The following PIK3C2G variants were observed in gnomAD, a reference collection of about 807,000 sequenced individuals.
The protein encoded by PIK3C2G is phosphatidylinositol 3-kinase C2 domain-containing subunit gamma.
Under a neutral mutation model 181.1 loss-of-function variants are expected in PIK3C2G, and 168 were observed. The ratio of observed to expected loss-of-function variants is 0.93; its 90% confidence interval spans 0.82 to 1.05. The LOEUF is 1.05. Among genes scored for constraint, PIK3C2G ranks in the 50% least tolerant of loss-of-function variants. The pLI, the probability that PIK3C2G is intolerant of heterozygous loss-of-function variation, is 0.00. For missense variants in PIK3C2G, 1,869 were observed against 1,732.8 expected (o/e 1.08, Z -1.40); for synonymous variants, 573 against 592.2 (o/e 0.97, Z 0.47).
intron 18 of PIK3C2G, among the ~76,000 whole-genome samples, chr12:18,453,667 G>T (rs1035424848): frequency 6.6e-6 from 1 of 151,988 alleles, no homozygotes; most frequent in African/African-American, 2.4e-5. Context: ...TCTTTCACAG[G>T]TGTTCTGAAT....
intron 7 of PIK3C2G, among the ~76,000 whole-genome samples, chr12:18,321,598 AC>A (rs1951110251): frequency 6.6e-6 from 1 of 152,198 alleles, no homozygotes; most frequent in Admixed American, 6.5e-5. Flanking sequence ...TGTGAGCTGA[AC>A]CAGTAGAAAA....
chr12:18,551,541 C>G (rs1333772611), intron 26 of PIK3C2G, among the ~76,000 whole-genome samples: 1 of 152,008 alleles, frequency 6.6e-6, no homozygotes, highest in Non-Finnish European at 1.5e-5. Context: ...CTTGGCCTGC[C>G]ATGTAAGTTC....
At chr12:18,707,852 C>T in the PIK3C2G span, among the ~76,000 whole-genome samples, 2 of 152,134 alleles carry the variant, frequency 1.3e-5, no homozygotes, top group African/African-American at 2.4e-5. Context: ...AATCTCACTT[C>T]TTGCTCTTTT....
the PIK3C2G span, among the ~76,000 whole-genome samples, chr12:18,707,062 T>C: frequency 8.6e-3 from 1,316 of 152,290 alleles, 22 homozygotes; most frequent in African/African-American, 0.03. Flanking sequence ...CTCTGGTGTA[T>C]CAAATCTCTC....
chr12:18,262,183 G>A (rs188225123), intron 1 of PIK3C2G, among the ~76,000 whole-genome samples: 2 of 152,140 alleles, frequency 1.3e-5, no homozygotes, highest in African/African-American at 4.8e-5. Context: ...AGCTCACTGA[G>A]GCCAATGTGA....
chr12:18,366,360 C>G (rs1941641068), intron 12 of PIK3C2G, among the ~76,000 whole-genome samples: 1 of 151,998 alleles, frequency 6.6e-6, no homozygotes. Flanking sequence ...TGGCGAAACC[C>G]CATCTCTACT....
intron 11 of PIK3C2G, among the ~76,000 whole-genome samples, chr12:18,355,132 C>A (rs1592044644): frequency 6.6e-6 from 1 of 152,200 alleles, no homozygotes; most frequent in Non-Finnish European, 1.5e-5. Context: ...TGCCCATTTA[C>A]ATTGTGCCTG....
chr12:18,464,543 C>T (rs1937640860), intron 18 of PIK3C2G, among the ~76,000 whole-genome samples: 1 of 152,062 alleles, frequency 6.6e-6, no homozygotes. Flanking sequence ...TCCTATATGA[C>T]CTATGCCAAT....
chr12:18,549,185 G>A (rs899156960), intron 26 of PIK3C2G, among the ~76,000 whole-genome samples: 5 of 151,836 alleles, frequency 3.3e-5, no homozygotes, highest in African/African-American at 1.2e-4. Flanking sequence ...CGTCTTTTGT[G>A]CTGTCCTTAA....
rs139525940 is a variant in PIK3C2G at position 18,531,011 on chromosome 12, T to G, written c.3324-7145T>G. On this transcript the variant is annotated intron_variant, in intron 24 of 32. Coordinates refer to ENST00000538779, the MANE Select transcript of PIK3C2G (RefSeq NM_001288772.2). ...ATACTTATTCATCATTTTATTTGAT[T>G]TACCTGCAAATTTCAACAATGTTAA... 7.9e-5 allele frequency among the ~76,000 whole-genome samples: 12 copies of G among 152,308 alleles called. No individual in the cohort carries two copies. In the East Asian group the frequency reaches 1.9e-3, roughly 25 times the overall value.
At chr12:18,265,388 T>C (rs1331536083) in intron 1 of PIK3C2G, among the ~76,000 whole-genome samples, 1 of 152,200 alleles carries the variant, frequency 6.6e-6, no homozygotes, top group Non-Finnish European at 1.5e-5. Flanking sequence ...CTTTAGCAGA[T>C]GGAAAAGCTA....
chr12:18,289,483 C>A (rs533212284), intron 3 of PIK3C2G, among the ~76,000 whole-genome samples: 28 of 152,314 alleles, frequency 1.8e-4, no homozygotes, highest in African/African-American at 6.7e-4. Flanking sequence ...TAAGGCTCCT[C>A]AATCCCTAAC....
At chr12:18,637,904 G>T (rs1319099357) in intron 31 of PIK3C2G, among the ~76,000 whole-genome samples, 2 of 152,176 alleles carry the variant, frequency 1.3e-5, no homozygotes, top group African/African-American at 4.8e-5. Flanking sequence ...CCAGCACACT[G>T]TTAGAACCCT....
rs188721438 is a variant in PIK3C2G at position 18,319,626 on chromosome 12, G to A, written c.1138-1336G>A. ...AAACCAAATAAATTGGTTTTTAAATGAATATGATTATGCTTCATAGAAAGA... is the reference window on the plus strand; with the variant it reads ...AAACCAAATAAATTGGTTTTTAAATAAATATGATTATGCTTCATAGAAAGA... On this transcript the variant is annotated intron_variant, in intron 6 of 32. Coordinates refer to ENST00000538779, the MANE Select transcript of PIK3C2G (RefSeq NM_001288772.2). Among the ~76,000 whole-genome samples the A allele has an allele frequency of 6.6e-5, 10 of 152,224 alleles. No individual in the cohort carries two copies. In the East Asian group the frequency reaches 1.7e-3, roughly 26 times the overall value.
At chr12:18,285,639 A>T (rs1295878499) in intron 2 of PIK3C2G, among the ~76,000 whole-genome samples, 5 of 152,064 alleles carry the variant, frequency 3.3e-5, no homozygotes, top group Non-Finnish European at 5.9e-5. Context: ...AGTAGTTCTA[A>T]GTAAACTGAG....
At chr12:18,449,864 T>C (rs1947251916) in intron 18 of PIK3C2G, among the ~76,000 whole-genome samples, 1 of 152,192 alleles carries the variant, frequency 6.6e-6, no homozygotes, top group African/African-American at 2.4e-5. Flanking sequence ...TGCCACACTG[T>C]CTTCCATAAT....
chr12:18,587,674 A>G (rs1459619512), intron 29 of PIK3C2G, among the ~76,000 whole-genome samples: 1 of 152,136 alleles, frequency 6.6e-6, no homozygotes, highest in East Asian at 1.9e-4. Context: ...GCTACCAATG[A>G]CATTCTTCAC....
At chr12:18,375,432 G>A (rs1256447251) in intron 13 of PIK3C2G, among the ~76,000 whole-genome samples, 1 of 152,206 alleles carries the variant, frequency 6.6e-6, no homozygotes, top group Non-Finnish European at 1.5e-5. Context: ...GCATCCAAGA[G>A]GTGGCCTGGC....
the PIK3C2G span, among the ~76,000 whole-genome samples, chr12:18,662,019 G>A: frequency 2.0e-5 from 3 of 152,054 alleles, no homozygotes; most frequent in African/African-American, 4.8e-5. Context: ...GTGAACTAAC[G>A]CAGGAACAGA....
Sources: allele counts gnomAD v4.1 joint callset (sites outside exome capture counted in the v4.1 genomes callset), GRCh38; gene constraint gnomAD v4.1.1; transcripts MANE v1.5; gene names NCBI Gene and HGNC (gene_info 2026-07-23, HGNC 2026-07-21).